Variants in EYA1 observed in about 807,000 individuals in gnomAD.
EYA1 encodes EYA transcriptional coactivator and phosphatase 1.
In EYA1, 16 loss-of-function variants were observed where a neutral mutation model predicts 82.0. The ratio of observed to expected loss-of-function variants is 0.20; its 90% CI spans 0.13 to 0.30. The LOEUF (loss-of-function observed/expected upper bound fraction) is 0.30, where lower values mean the gene tolerates loss of function less well. Ranked by LOEUF, EYA1 falls within the 10% of genes least tolerant of loss-of-function variation. The pLI, the probability that EYA1 is intolerant of heterozygous loss-of-function variation, is 1.00. For synonymous variants in EYA1, 261 were observed against 264.4 expected (o/e 0.99, Z 0.12); for missense variants, 633 against 730.7 (o/e 0.87, Z 1.54).
chr8:71,401,865 T>C (rs574788214), intron 2 of EYA1, among the ~76,000 whole-genome samples: 69 of 152,320 alleles, frequency 4.5e-4, no homozygotes, highest in Non-Finnish European at 6.3e-4. Flanking sequence ...AGTTTTTCTC[T>C]GTCTGCTTAT....
intron 4 of EYA1, among the ~76,000 whole-genome samples, chr8:71,329,175 T>C (rs187344881): frequency 5.7e-4 from 87 of 152,292 alleles, no homozygotes; most frequent in African/African-American, 1.9e-3. Context: ...TTTTCATTCC[T>C]TTGTTCTCAT....
At chr8:71,307,306 GA>G (rs1359046884) in intron 7 of EYA1, among the ~76,000 whole-genome samples, 1 of 151,896 alleles carries the variant, frequency 6.6e-6, no homozygotes, top group Admixed American at 6.6e-5. Flanking sequence ...ACTTTGCTGG[GA>G]TTTTTTTATT....
At chr8:71,416,163 C>A (rs1005079772) in intron 2 of EYA1, among the ~76,000 whole-genome samples, 4 of 152,188 alleles carry the variant, frequency 2.6e-5, no homozygotes, top group African/African-American at 9.7e-5. Context: ...GAGGAGTGAG[C>A]ACTAGGGGCA....
At chr8:71,480,721 G>GA (rs202184823) in intron 2 of EYA1, among the ~76,000 whole-genome samples, 117 of 148,374 alleles carry the variant, frequency 7.9e-4, no homozygotes, top group South Asian at 6.4e-3. Flanking sequence ...ATATCTGCAT[G>GA]AAAAAAAAAC....
In EYA1 at chr8:71,287,951, G is replaced by A. The variant is rs559324362; in HGVS notation, c.826+11096C>T. ...AGAGTGGTATTATGCTCATTCCACA[G>A]AGAAATAATACACCAAGGAGCTAAG... On this transcript the variant is annotated intron_variant, in intron 9 of 17. Transcript: ENST00000340726. Among the ~76,000 whole-genome samples, 13 of 152,296 alleles carry A rather than the reference G, an allele frequency of 8.5e-5. No individual in the cohort carries two copies. The South Asian group carries it at 2.7e-3, about 32-fold the overall frequency.
At position 71,245,393 on chromosome 8, in the gene EYA1, A is replaced by AT. The variant is rs112198388; in HGVS notation, c.1051-702dup. 2.2e-4 allele frequency among the ~76,000 whole-genome samples: 33 copies of AT among 151,082 alleles called. No homozygotes were observed. In the South Asian group the frequency reaches 5.5e-3, roughly 25 times the overall value. ...AGGCGCGCACCAACACGACCAGCTA[A>AT]TTTTTTTTTGTATTTTTAGTAGAGA... On this transcript the variant is annotated intron_variant, in intron 11 of 17. Coordinates refer to ENST00000340726, the MANE Select transcript of EYA1 (RefSeq NM_000503.6).
intron 2 of EYA1, among the ~76,000 whole-genome samples, chr8:71,479,502 G>T (rs1274466864): frequency 6.6e-6 from 1 of 151,630 alleles, no homozygotes; most frequent in Non-Finnish European, 1.5e-5. Context: ...CATGGGGGAG[G>T]AATTTATTGT....
chr8:71,316,183 A>T (rs1821907420), intron 7 of EYA1, among the ~76,000 whole-genome samples: 1 of 152,178 alleles, frequency 6.6e-6, no homozygotes, highest in Non-Finnish European at 1.5e-5. Flanking sequence ...AAGGTATCAA[A>T]TGTGTATACT....
At chr8:71,388,996 A>AC (rs1002919977) in intron 2 of EYA1, among the ~76,000 whole-genome samples, 3 of 151,112 alleles carry the variant, frequency 2.0e-5, no homozygotes, top group African/African-American at 7.3e-5. Flanking sequence ...GGCCCCTCTC[A>AC]CCCCTCCACA....
intron 2 of EYA1, among the ~76,000 whole-genome samples, chr8:71,457,445 T>TA (rs1436604396): frequency 2.0e-5 from 3 of 152,164 alleles, no homozygotes; most frequent in Admixed American, 6.5e-5. Flanking sequence ...CATGCTGCTA[T>TA]AAAGACACGT....
intron 2 of EYA1, among the ~76,000 whole-genome samples, chr8:71,392,722 A>G (rs1829350204): frequency 6.6e-6 from 1 of 152,188 alleles, no homozygotes. Context: ...CTTGCCAGAA[A>G]AATCATTCAT....
intron 7 of EYA1, among the ~76,000 whole-genome samples, chr8:71,306,640 T>A (rs1030469843): frequency 6.6e-6 from 1 of 152,130 alleles, no homozygotes; most frequent in African/African-American, 2.4e-5. Flanking sequence ...GAAACTCACC[T>A]TGCTCAGTCT....
intron 2 of EYA1, among the ~76,000 whole-genome samples, chr8:71,509,364 A>C (rs1812430623): frequency 6.6e-6 from 1 of 152,220 alleles, no homozygotes. Context: ...ACATAAGGTT[A>C]ACGTTTTATA....
chr8:71,270,464 G>A (rs1284876450), intron 10 of EYA1, among the ~76,000 whole-genome samples: 1 of 152,090 alleles, frequency 6.6e-6, no homozygotes, highest in Non-Finnish European at 1.5e-5. Context: ...TTTAAAATGG[G>A]AACTGAAGGA....
intron 17 of EYA1, among the ~76,000 whole-genome samples, chr8:71,209,294 T>C (rs1171711334): frequency 6.6e-6 from 1 of 152,220 alleles, no homozygotes; most frequent in Non-Finnish European, 1.5e-5. Context: ...AAGGTTTTAT[T>C]TTATAAAGAC....
chr8:71,501,901 A>G (rs1811838788), intron 2 of EYA1, among the ~76,000 whole-genome samples: 1 of 152,258 alleles, frequency 6.6e-6, no homozygotes, highest in Non-Finnish European at 1.5e-5. Flanking sequence ...GTGTGCAACT[A>G]GAACAACAGT....
At chr8:71,493,050 T>G (rs1811138717) in intron 2 of EYA1, among the ~76,000 whole-genome samples, 1 of 152,236 alleles carries the variant, frequency 6.6e-6, no homozygotes, top group African/African-American at 2.4e-5. Context: ...CTACTAAGGA[T>G]AATGGCCTCC....
chr8:71,275,562 T>G (rs556712928), intron 9 of EYA1, among the ~76,000 whole-genome samples: 29 of 152,142 alleles, frequency 1.9e-4, no homozygotes, highest in African/African-American at 7.0e-4. Flanking sequence ...TGTACAAGGG[T>G]TGGGCACAGA....
chr8:71,455,872 C>T (rs1360601329), intron 2 of EYA1, among the ~76,000 whole-genome samples: 3 of 152,146 alleles, frequency 2.0e-5, no homozygotes, highest in Non-Finnish European at 2.9e-5. Context: ...TGTCTCACCA[C>T]TCCTATTCAA....
Sources: allele counts gnomAD v4.1 joint callset (sites outside exome capture counted in the v4.1 genomes callset), GRCh38; gene constraint gnomAD v4.1.1; transcripts MANE v1.5; gene names NCBI Gene and HGNC (gene_info 2026-07-23, HGNC 2026-07-21).